LCORL: variants seen among roughly 807,000 people sequenced by gnomAD.
LCORL encodes ligand-dependent nuclear receptor corepressor-like protein.
LCORL carries 41 observed loss-of-function variants against 141.8 expected under a neutral mutation model. The observed-to-expected ratio is 0.29, with a 90% CI of 0.23 to 0.38. The LOEUF is 0.38. Ranked by LOEUF, LCORL falls within the 10% of genes least tolerant of loss-of-function variation. The pLI is 1.00. For synonymous variants in LCORL, 618 were observed against 694.1 expected (o/e 0.89, Z 1.72); for missense variants, 1,759 against 2,035.0 (o/e 0.86, Z 2.61).
At chr4:17,963,997 GTTTTTCT>G (rs1001305361) in intron 2 of LCORL, among the ~76,000 whole-genome samples, 35 of 152,122 alleles carry the variant, frequency 2.3e-4, no homozygotes, top group African/African-American at 7.5e-4. Context: ...AGATAATAAA[GTTTTTCT>G]TTTTTTGAAA....
At chr4:17,944,805 TGG>T (rs908759002) in intron 4 of LCORL, among the ~76,000 whole-genome samples, 6 of 152,176 alleles carry the variant, frequency 3.9e-5, no homozygotes, top group African/African-American at 1.4e-4. Context: ...TTAGTCTATT[TGG>T]GTTGCAATAA....
At chr4:17,962,585 C>G (rs1312669333) in intron 3 of LCORL, among the ~76,000 whole-genome samples, 1 of 152,006 alleles carries the variant, frequency 6.6e-6, no homozygotes, top group Non-Finnish European at 1.5e-5. Flanking sequence ...AAGGCTAAAA[C>G]AGCACATTAT....
chr4:17,915,048 T>C (rs776883221), intron 4 of LCORL, among the ~76,000 whole-genome samples: 19 of 152,172 alleles, frequency 1.2e-4, no homozygotes, highest in African/African-American at 4.3e-4. Context: ...ATGCTCCTGG[T>C]TGTTTTCTCT....
At chr4:17,902,418 A>G (rs1005910751) in intron 5 of LCORL, among the ~76,000 whole-genome samples, 1 of 151,918 alleles carries the variant, frequency 6.6e-6, no homozygotes, top group African/African-American at 2.4e-5. Context: ...GGAATATAAC[A>G]TTTTCTTCCA....
chr4:17,923,973 C>T (rs1734708581), intron 4 of LCORL, among the ~76,000 whole-genome samples: 1 of 151,512 alleles, frequency 6.6e-6, no homozygotes, highest in African/African-American at 2.4e-5. Flanking sequence ...TCCTAGTGGG[C>T]AGAACTTCGA....
chr4:17,882,004 T>A, intron 6 of LCORL: 1 of 975,044 alleles, frequency 1.0e-6, no homozygotes, highest in Non-Finnish European at 1.2e-6. Context: ...AGAGGATTCA[T>A]ACCCTAGTGT....
chr4:17,869,081 T>C (rs1282224520), intron 7 of LCORL, among the ~76,000 whole-genome samples: 2 of 151,380 alleles, frequency 1.3e-5, no homozygotes, highest in African/African-American at 2.4e-5. Flanking sequence ...AGTGACCCTT[T>C]TGGCTAAGAC....
chr4:17,881,157 TC>T, intron 6 of LCORL: 1 of 980,084 alleles, frequency 1.0e-6, no homozygotes, highest in African/African-American at 1.8e-5. Flanking sequence ...CTCTTTTCCT[TC>T]TTTTTTTTTT....
At chr4:17,875,285 T>C in exon 7 of LCORL, 2 of 1,231,484 alleles carry the variant, frequency 1.6e-6, no homozygotes, top group Non-Finnish European at 2.0e-6. Context: ...TCTGATTTGG[T>C]CGAATAATGT....
chr4:17,934,869 A>G (rs1736606214), intron 4 of LCORL, among the ~76,000 whole-genome samples: 1 of 152,198 alleles, frequency 6.6e-6, no homozygotes, highest in African/African-American at 2.4e-5. Flanking sequence ...GTATCAAGGT[A>G]TTTTAAAATA....
At position 17,902,240 on chromosome 4, in the gene LCORL, T is replaced by C. The variant is rs139939432; in HGVS notation, c.682+6854A>G. ...TTATCTAAAGGGCAATATGAAGCCA[T>C]TAAAGGATTTTCAGCAGGAGAGCGT... On this transcript the variant is annotated intron_variant, in intron 5 of 7. Coordinates refer to ENST00000635767, the Ensembl canonical transcript of LCORL. Among the ~76,000 whole-genome samples, 19 of 152,192 alleles carry C rather than the reference T, an allele frequency of 1.2e-4. No individual in the cohort carries two copies. In the East Asian group the frequency reaches 2.1e-3, roughly 17 times the overall value.
intron 4 of LCORL, among the ~76,000 whole-genome samples, chr4:17,960,642 A>G (rs1426943635): frequency 4.6e-5 from 7 of 152,116 alleles, no homozygotes; most frequent in Non-Finnish European, 1.0e-4. Context: ...TTATTGTTTT[A>G]AAGAGATGGG....
intron 7 of LCORL, among the ~76,000 whole-genome samples, chr4:17,863,638 T>C (rs1015998281): frequency 1.3e-5 from 2 of 152,228 alleles, no homozygotes; most frequent in Non-Finnish European, 2.9e-5. Flanking sequence ...GCAATCCCAT[T>C]ACTGGGTATA....
chr4:17,913,990 A>G (rs951408562), intron 4 of LCORL, among the ~76,000 whole-genome samples: 12 of 152,238 alleles, frequency 7.9e-5, no homozygotes, highest in Admixed American at 2.6e-4. Context: ...CGAACTTTTT[A>G]AAGTCCCCTC....
exon 8 of LCORL, chr4:17,842,600 A>ACTAT (rs1003228362): frequency 1.4e-4 from 65 of 473,844 alleles, no homozygotes; most frequent in East Asian, 7.3e-4. Context: ...GGTCTTTAGT[A>ACTAT]CTATCTTTAA....
chr4:17,906,710 C>CA (rs1365030701), intron 5 of LCORL, among the ~76,000 whole-genome samples: 1 of 132,214 alleles, frequency 7.6e-6, no homozygotes, highest in South Asian at 2.4e-4. Context: ...TTTTTTGAGA[C>CA]AGAGTCTTGC....
intron 4 of LCORL, among the ~76,000 whole-genome samples, chr4:17,929,144 T>A (rs865871404): frequency 6.6e-6 from 1 of 152,154 alleles, no homozygotes; most frequent in Non-Finnish European, 1.5e-5. Flanking sequence ...CTTAAAATAA[T>A]AGGAACATGT....
exon 7 of LCORL, chr4:17,874,671 T>A: frequency 8.1e-7 from 1 of 1,233,850 alleles, no homozygotes; most frequent in Non-Finnish European, 1.0e-6. Flanking sequence ...AAATCTATTG[T>A]TTAATTCCTC....
intron 4 of LCORL, among the ~76,000 whole-genome samples, chr4:17,959,541 CTGA>C (rs1713367081): frequency 6.6e-6 from 1 of 152,042 alleles, no homozygotes. Flanking sequence ...TCAATCACAA[CTGA>C]TGATATCAAT....
Sources: allele counts gnomAD v4.1 joint callset (sites outside exome capture counted in the v4.1 genomes callset), GRCh38; gene constraint gnomAD v4.1.1; transcripts MANE v1.5; gene names NCBI Gene and HGNC (gene_info 2026-07-23, HGNC 2026-07-21).